TLCD4: variants seen among roughly 807,000 people sequenced by gnomAD.
TLCD4 encodes TLC domain containing 4, also known as TLC domain-containing protein 4.
TLCD4 carries 7 observed loss-of-function variants against 24.2 expected under a neutral mutation model. The observed-to-expected ratio is 0.29, with a 90% CI of 0.16 to 0.54. TLCD4 has a LOEUF of 0.54. Ranked by LOEUF, TLCD4 falls within the 20% of genes least tolerant of loss-of-function variation. The pLI, the probability that TLCD4 is intolerant of heterozygous loss-of-function variation, is 0.95. For synonymous variants in TLCD4, 103 were observed against 106.4 expected (o/e 0.97, Z 0.20); for missense variants, 259 against 313.9 (o/e 0.82, Z 1.32).
At chr1:95,136,652 A>G (rs1049843304) in intron 1 of TLCD4, among the ~76,000 whole-genome samples, 4 of 152,202 alleles carry the variant, frequency 2.6e-5, no homozygotes, top group African/African-American at 9.7e-5. Flanking sequence ...GGGCTCACTA[A>G]CTTTGTTGAT....
intron 5 of TLCD4, among the ~76,000 whole-genome samples, chr1:95,153,792 C>T (rs537880227): frequency 3.9e-4 from 60 of 152,032 alleles, no homozygotes; most frequent in Non-Finnish European, 7.6e-4. Context: ...GAGATGTCAG[C>T]CTAGAAAAGC....
At chr1:95,092,886 G>T in the TLCD4 span, among the ~76,000 whole-genome samples, 1 of 152,176 alleles carries the variant, frequency 6.6e-6, no homozygotes, top group Non-Finnish European at 1.5e-5. Context: ...TTACAAGTGA[G>T]TGCCACCATG....
intron 1 of TLCD4, among the ~76,000 whole-genome samples, chr1:95,121,460 A>T (rs1287313903): frequency 6.6e-6 from 1 of 152,100 alleles, no homozygotes; most frequent in Non-Finnish European, 1.5e-5. Context: ...CCTCACAGAG[A>T]ATTTGAAAAG....
At chr1:95,117,814 G>C (rs1013638056) in intron 1 of TLCD4, 197 bp downstream of exon 1, 8 of 151,056 alleles carry the variant, frequency 5.3e-5, no homozygotes, top group African/African-American at 1.9e-4. Flanking sequence ...GGGCTCCCGG[G>C]CGGGCTCCGG....
the TLCD4 span, among the ~76,000 whole-genome samples, chr1:95,102,453 A>C: frequency 6.6e-6 from 1 of 152,190 alleles, no homozygotes; most frequent in Non-Finnish European, 1.5e-5. Context: ...TGAAGTCTCT[A>C]GATTGGGTGA....
the TLCD4 span, among the ~76,000 whole-genome samples, chr1:95,108,986 C>T: frequency 6.6e-6 from 1 of 152,168 alleles, no homozygotes; most frequent in East Asian, 1.9e-4. Flanking sequence ...TCATTTTGTC[C>T]TATTCCAGAA....
At chr1:95,133,065 A>G (rs1302994382) in intron 1 of TLCD4, among the ~76,000 whole-genome samples, 2 of 152,164 alleles carry the variant, frequency 1.3e-5, no homozygotes, top group Non-Finnish European at 2.9e-5. Context: ...GTGGAGAGAG[A>G]GAGAGCGCAA....
chr1:95,126,279 T>G (rs1676731720), intron 1 of TLCD4, among the ~76,000 whole-genome samples: 1 of 151,598 alleles, frequency 6.6e-6, no homozygotes, highest in African/African-American at 2.4e-5. Flanking sequence ...AATACAAAAA[T>G]TAGCCAGGCA....
At chr1:95,175,185 A>G (rs1172362031) in intron 6 of TLCD4, among the ~76,000 whole-genome samples, 1 of 152,214 alleles carries the variant, frequency 6.6e-6, no homozygotes, top group Non-Finnish European at 1.5e-5. Context: ...CTCTACGCCC[A>G]TTAAACACTA....
At chr1:95,140,330 T>G (rs1426264411) in intron 1 of TLCD4, among the ~76,000 whole-genome samples, 2 of 152,224 alleles carry the variant, frequency 1.3e-5, no homozygotes, top group Non-Finnish European at 2.9e-5. Context: ...GGTGTTATGA[T>G]GGCTACAGCG....
intron 6 of TLCD4, 73 bp from the exon 7 acceptor site, chr1:95,191,477 A>G: frequency 6.6e-7 from 1 of 1,515,818 alleles, no homozygotes; most frequent in African/African-American, 1.4e-5. Context: ...TTTAAAATTT[A>G]AAAACTAAAA....
intron 6 of TLCD4, among the ~76,000 whole-genome samples, chr1:95,181,186 C>T (rs1271331824): frequency 7.3e-6 from 1 of 137,584 alleles, no homozygotes; most frequent in African/African-American, 3.0e-5. Context: ...AAAATAACTG[C>T]ATTGCCAAAA....
intron 6 of TLCD4, among the ~76,000 whole-genome samples, chr1:95,189,430 C>G (rs1452421303): frequency 1.3e-5 from 2 of 152,170 alleles, no homozygotes; most frequent in Non-Finnish European, 2.9e-5. Flanking sequence ...TTGCATACAT[C>G]AGGTTCACTT....
chr1:95,122,997 AG>A (rs1301924658), intron 1 of TLCD4, among the ~76,000 whole-genome samples: 1 of 151,944 alleles, frequency 6.6e-6, no homozygotes, highest in Non-Finnish European at 1.5e-5. Context: ...AAAGAGAAAT[AG>A]GGTCTCACTG....
chr1:95,106,014 C>T, the TLCD4 span, among the ~76,000 whole-genome samples: 2 of 151,764 alleles, frequency 1.3e-5, no homozygotes, highest in Admixed American at 6.6e-5. Context: ...TTCTGTGGGA[C>T]GAGGAGGAAG....
intron 6 of TLCD4, among the ~76,000 whole-genome samples, chr1:95,180,458 A>G (rs1678594569): frequency 6.6e-6 from 1 of 152,176 alleles, no homozygotes; most frequent in South Asian, 2.1e-4. Context: ...CTTCTGTCAG[A>G]GTTTCCATAG....
At chr1:95,148,171 T>G (rs911620577) in intron 2 of TLCD4, among the ~76,000 whole-genome samples, 2 of 152,238 alleles carry the variant, frequency 1.3e-5, no homozygotes, top group Non-Finnish European at 2.9e-5. Flanking sequence ...CAATAGTGCA[T>G]GTCAACGTAC....
At chr1:95,099,163 C>G in the TLCD4 span, among the ~76,000 whole-genome samples, 27 of 151,644 alleles carry the variant, frequency 1.8e-4, no homozygotes, top group Non-Finnish European at 2.4e-4. Context: ...CACGGTGGCT[C>G]ACGCCTATAA....
chr1:95,102,348 T>A, the TLCD4 span, among the ~76,000 whole-genome samples: 1 of 152,204 alleles, frequency 6.6e-6, no homozygotes, highest in Non-Finnish European at 1.5e-5. Context: ...GTAGAGGAAG[T>A]AAGTAAATGA....
Sources: allele counts gnomAD v4.1 joint callset (sites outside exome capture counted in the v4.1 genomes callset), GRCh38; gene constraint gnomAD v4.1.1; transcripts MANE v1.5; gene names NCBI Gene and HGNC (gene_info 2026-07-23, HGNC 2026-07-21).